Variants in CATSPERB observed in about 807,000 individuals in gnomAD.
CATSPERB encodes cation channel sperm-associated auxiliary subunit beta.
Under a neutral mutation model 128.3 loss-of-function variants are expected in CATSPERB, and 93 were observed. The ratio of observed to expected loss-of-function variants is 0.72; its 90% confidence interval spans 0.61 to 0.86. The LOEUF is 0.86. CATSPERB is among the 40% of genes least tolerant of loss of function. The pLI is 0.00. For synonymous variants in CATSPERB, 381 were observed against 448.8 expected (o/e 0.85, Z 1.91); for missense variants, 1,153 against 1,329.5 (o/e 0.87, Z 2.06).
chr14:91,664,411 G>A (rs567617350), intron 14 of CATSPERB, among the ~76,000 whole-genome samples: 6 of 151,542 alleles, frequency 4.0e-5, no homozygotes, highest in South Asian at 2.1e-4. Context: ...GATTACAAGC[G>A]CCTGCCACCA....
At chr14:91,593,268 C>T (rs2139761457) in intron 22 of CATSPERB, among the ~76,000 whole-genome samples, 1 of 152,340 alleles carries the variant, frequency 6.6e-6, no homozygotes, top group East Asian at 1.9e-4. Context: ...CCTAGTGGAG[C>T]TGTGAGAAGA....
rs377460093 is a variant in CATSPERB at position 91,598,857 on chromosome 14, C to CAAAA, written c.2710-6859_2710-6856dup. Among the ~76,000 whole-genome samples the CAAAA allele has an allele frequency of 1.4e-3, 159 of 109,928 alleles. 1 individual carries two copies. The highest frequency in any genetic ancestry group is 5.2e-3 in the African/African-American group (148 of 28,522). 72.1% of individuals were successfully genotyped at this position (109,928 alleles called of 152,430 possible). ...TGGGCAACAGAGCAAGACTCTGTCT[C>CAAAA]AAAAAAAAAAAAAAAAAAAGGAAAA... is the stretch of plus-strand genomic sequence containing the variant. On this transcript the variant is annotated intron_variant, in intron 22 of 26. Transcript: ENST00000256343.
At chr14:91,692,815 G>A (rs994688005) in intron 9 of CATSPERB, among the ~76,000 whole-genome samples, 2 of 152,086 alleles carry the variant, frequency 1.3e-5, no homozygotes, top group African/African-American at 4.8e-5. Flanking sequence ...TTACCTTAAA[G>A]CATTTGGGTA....
chr14:91,668,515 G>C (rs1375252798), intron 14 of CATSPERB, among the ~76,000 whole-genome samples: 1 of 152,180 alleles, frequency 6.6e-6, no homozygotes, highest in South Asian at 2.1e-4. Flanking sequence ...GGCCAAATAA[G>C]GGAATAAAAG....
At chr14:91,670,305 A>C (rs1014755541) in intron 13 of CATSPERB, among the ~76,000 whole-genome samples, 2 of 152,224 alleles carry the variant, frequency 1.3e-5, no homozygotes, top group African/African-American at 4.8e-5. Flanking sequence ...AAAAGTGTGG[A>C]TGCCTAAGCC....
chr14:91,659,789 A>T, intron 15 of CATSPERB, 48 bp downstream of exon 15: 1 of 1,564,858 alleles, frequency 6.4e-7, no homozygotes, highest in Middle Eastern at 2.3e-4. Flanking sequence ...ATATCTTCTA[A>T]TCCTGGGCCA....
chr14:91,706,333 T>C (rs1281719840), intron 6 of CATSPERB, among the ~76,000 whole-genome samples: 1 of 152,174 alleles, frequency 6.6e-6, no homozygotes, highest in East Asian at 1.9e-4. Flanking sequence ...GGGTATAATA[T>C]TTGTTTGCAG....
intron 14 of CATSPERB, among the ~76,000 whole-genome samples, chr14:91,663,415 G>A (rs901960417): frequency 1.3e-5 from 2 of 152,216 alleles, no homozygotes; most frequent in African/African-American, 4.8e-5. Flanking sequence ...GGAGGCTGAG[G>A]CAGGCGGATC....
chr14:91,626,660 C>T (rs1362259902), intron 17 of CATSPERB, among the ~76,000 whole-genome samples: 3 of 152,122 alleles, frequency 2.0e-5, no homozygotes, highest in African/African-American at 4.8e-5. Context: ...CTTCTGCCTT[C>T]CACCATGGGA....
intron 22 of CATSPERB, among the ~76,000 whole-genome samples, chr14:91,597,005 G>A (rs1169979572): frequency 3.3e-5 from 5 of 151,150 alleles, no homozygotes; most frequent in South Asian, 2.1e-4. Context: ...TCCTGCCTCA[G>A]CCTCCTGAGT....
chr14:91,685,099 T>A (rs1566730614), intron 10 of CATSPERB, among the ~76,000 whole-genome samples: 1 of 152,046 alleles, frequency 6.6e-6, no homozygotes, highest in Non-Finnish European at 1.5e-5. Context: ...GGTAATTTTT[T>A]AATTTTTTGA....
chr14:91,637,795 GT>G (rs5810548), intron 16 of CATSPERB, among the ~76,000 whole-genome samples: 127 of 151,464 alleles, frequency 8.4e-4, no homozygotes, highest in South Asian at 1.5e-3. Context: ...TACCTGTAGG[GT>G]TTTTTTTTCT....
rs116248816 is a variant in CATSPERB, at chr14:91,706,770, A to T, written c.466+1371T>A. On this transcript the variant is annotated intron_variant, in intron 6 of 26. Transcript: ENST00000256343. ...GGTGAATGATATCATCCTCTACTTG[A>T]ATGCTTGAGTAAGAAATCCAGGCAT... Among the ~76,000 whole-genome samples the T allele has an allele frequency of 5.2e-3, 792 of 152,180 alleles. 7 individuals carry two copies. Among genetic ancestry groups the T allele is most frequent in the African/African-American group, 0.018 (740 of 41,534 alleles).
chr14:91,700,090 C>A (rs932176348), intron 7 of CATSPERB, among the ~76,000 whole-genome samples: 1 of 151,954 alleles, frequency 6.6e-6, no homozygotes, highest in Non-Finnish European at 1.5e-5. Context: ...TTTTGTCCCC[C>A]ACCCCTCGAC....
intron 7 of CATSPERB, among the ~76,000 whole-genome samples, chr14:91,697,363 G>C (rs1334373934): frequency 6.6e-6 from 1 of 152,160 alleles, no homozygotes. Context: ...AAGTGATAGT[G>C]AAAATGGATT....
chr14:91,665,590 C>T (rs1318795606), intron 14 of CATSPERB, among the ~76,000 whole-genome samples: 2 of 152,184 alleles, frequency 1.3e-5, no homozygotes, highest in African/African-American at 4.8e-5. Context: ...CTGATATTGG[C>T]TGGGTGTGGT....
intron 15 of CATSPERB, among the ~76,000 whole-genome samples, chr14:91,647,076 G>T (rs1005735505): frequency 2.6e-5 from 4 of 152,174 alleles, no homozygotes; most frequent in African/African-American, 9.7e-5. Flanking sequence ...AAAATTAGCT[G>T]GGTGTGGTGG....
In CATSPERB at chr14:91,673,035, A is replaced by G. The variant is rs770714568; in HGVS notation, c.979-19T>C. Reference sequence around the variant, plus strand: ...AGCTTGACTATAAAAAAAAGAAGGGAAAAATTAATGCTGTTTTTGAAATAT... The same window carrying G: ...AGCTTGACTATAAAAAAAAGAAGGGGAAAATTAATGCTGTTTTTGAAATAT... On this transcript the variant is annotated intron_variant, in intron 12 of 26. Transcript: ENST00000256343. 3.2e-6 allele frequency: 5 copies of G among 1,554,564 alleles called. No homozygotes were observed. The African/African-American group carries it at 4.2e-5, about 13-fold the overall frequency.
intron 13 of CATSPERB, among the ~76,000 whole-genome samples, chr14:91,670,193 T>G (rs1354277751): frequency 1.3e-5 from 2 of 152,208 alleles, no homozygotes; most frequent in African/African-American, 2.4e-5. Context: ...ATTAAATAAC[T>G]TGTTGAAAGC....
Sources: gnomAD v4.1 joint callset for allele counts (sites outside exome capture counted in the v4.1 genomes callset) on GRCh38, gnomAD v4.1.1 for gene constraint, MANE v1.5 for transcripts, NCBI Gene and HGNC (gene_info 2026-07-23, HGNC 2026-07-21) for gene names.